RBFOX1: variants seen among roughly 807,000 people sequenced by gnomAD.
RBFOX1 encodes RNA binding protein fox-1 homolog 1.
Under a neutral mutation model 57.7 loss-of-function variants are expected in RBFOX1, and 8 were observed. The ratio of observed to expected loss-of-function variants is 0.14; its 90% CI spans 0.08 to 0.25. The LOEUF (loss-of-function observed/expected upper bound fraction) is 0.25, where lower values mean the gene tolerates loss of function less well. Ranked by LOEUF, RBFOX1 falls within the 10% of genes least tolerant of loss-of-function variation. RBFOX1 has a pLI of 1.00. For missense variants in RBFOX1, 611 were observed against 548.5 expected (o/e 1.11, Z -1.14); for synonymous variants, 326 against 222.4 (o/e 1.47, Z -4.15).
intron 3 of RBFOX1, among the ~76,000 whole-genome samples, chr16:5,859,367 C>G (rs1320376979): frequency 6.6e-6 from 1 of 152,208 alleles, no homozygotes; most frequent in East Asian, 1.9e-4. Context: ...CAATCTCCAA[C>G]TCTAAGCCAG....
At chr16:6,758,072 G>A (rs142345904) in intron 3 of RBFOX1, among the ~76,000 whole-genome samples, 40 of 152,236 alleles carry the variant, frequency 2.6e-4, no homozygotes, top group African/African-American at 9.6e-4. Flanking sequence ...ATACCAATAA[G>A]AAGGATCAGG....
rs1567446785 is a variant in RBFOX1 at position 6,097,057 on chromosome 16, G to T, written c.-127+77065G>T. On this transcript the variant is annotated intron_variant, in intron 1 of 15. Transcript: ENST00000550418. This position sits in a 1 kb window ranked among gnomAD's most constrained non-coding sequence, Gnocchi z 5.0. Reference sequence around the variant, plus strand: ...GGGAGATAACTGAATCATGGGGGTGGTTTCCCCCATACTGTTGTCATGGTG... The same window carrying T: ...GGGAGATAACTGAATCATGGGGGTGTTTTCCCCCATACTGTTGTCATGGTG... 6.6e-6 allele frequency among the ~76,000 whole-genome samples: 1 copy of T among 152,090 alleles called. No homozygotes were observed. Among genetic ancestry groups the T allele is most frequent in the Non-Finnish European group, 1.5e-5 (1 of 68,020 alleles).
At chr16:6,052,430 T>C (rs1402719280) in intron 1 of RBFOX1, among the ~76,000 whole-genome samples, 1 of 152,172 alleles carries the variant, frequency 6.6e-6, no homozygotes, top group Non-Finnish European at 1.5e-5. Context: ...TAACGCACAG[T>C]TTGCTTAGTC....
intron 1 of RBFOX1, among the ~76,000 whole-genome samples, chr16:5,394,586 G>C (rs374275030): frequency 9.9e-4 from 139 of 140,410 alleles, no homozygotes; most frequent in African/African-American, 3.7e-3. Context: ...TTTTTTGACA[G>C]GATCTTGCTC....
intron 3 of RBFOX1, among the ~76,000 whole-genome samples, chr16:5,738,805 G>A (rs746877916): frequency 1.3e-5 from 2 of 152,114 alleles, no homozygotes; most frequent in Non-Finnish European, 2.9e-5. Context: ...ATATCACAGT[G>A]GAATGCCAAA....
chr16:7,289,732 G>C (rs1422051272), intron 4 of RBFOX1, among the ~76,000 whole-genome samples: 1 of 152,132 alleles, frequency 6.6e-6, no homozygotes, highest in Non-Finnish European at 1.5e-5. Context: ...CTAAGGGGTT[G>C]CACCAAGAAA....
intron 2 of RBFOX1, among the ~76,000 whole-genome samples, chr16:6,368,670 G>A (rs1007795477): frequency 6.6e-6 from 1 of 152,168 alleles, no homozygotes; most frequent in African/African-American, 2.4e-5. Context: ...ATTGTCATAT[G>A]TCATAGGTTC....
intron 1 of RBFOX1, among the ~76,000 whole-genome samples, chr16:5,334,736 A>G (rs2064852058): frequency 6.6e-6 from 1 of 151,858 alleles, no homozygotes. Flanking sequence ...GGAATAATGT[A>G]CCATGGGCAA....
intron 1 of RBFOX1, among the ~76,000 whole-genome samples, chr16:5,259,682 A>G (rs2062683722): frequency 6.6e-6 from 1 of 152,222 alleles, no homozygotes; most frequent in Non-Finnish European, 1.5e-5. Flanking sequence ...TGTGTTTGTC[A>G]TGAGTTAATG....
intron 1 of RBFOX1, among the ~76,000 whole-genome samples, chr16:6,040,761 AT>A (rs1464937633): frequency 6.6e-6 from 1 of 151,770 alleles, no homozygotes; most frequent in South Asian, 2.1e-4. Flanking sequence ...TGCCTGGCAA[AT>A]TTTTTGTATT....
chr16:6,204,547 AG>A (rs1376423737), intron 1 of RBFOX1, among the ~76,000 whole-genome samples: 1 of 152,330 alleles, frequency 6.6e-6, no homozygotes, highest in Admixed American at 6.5e-5. Flanking sequence ...CTAATGTTCT[AG>A]GGAGGTTATT....
intron 4 of RBFOX1, among the ~76,000 whole-genome samples, chr16:7,509,424 G>A (rs79456229): frequency 6.9e-6 from 1 of 144,380 alleles, no homozygotes; most frequent in Non-Finnish European, 1.6e-5. Flanking sequence ...GTGTGTGTGT[G>A]TGTGTGTCTG....
At chr16:6,783,623 ATTAT>A (rs2081407502) in intron 3 of RBFOX1, among the ~76,000 whole-genome samples, 2 of 151,986 alleles carry the variant, frequency 1.3e-5, no homozygotes, top group African/African-American at 2.4e-5. Context: ...TGTAGTTATT[ATTAT>A]TTTTCATAGG....
At chr16:6,076,935 T>C (rs1347292492) in intron 1 of RBFOX1, among the ~76,000 whole-genome samples, 2 of 152,212 alleles carry the variant, frequency 1.3e-5, no homozygotes, top group African/African-American at 4.8e-5. Context: ...TGTTGCACAG[T>C]GCACTTAATA....
At chr16:5,692,681 A>T (rs963808812) in intron 3 of RBFOX1, among the ~76,000 whole-genome samples, 2 of 152,130 alleles carry the variant, frequency 1.3e-5, no homozygotes, top group African/African-American at 4.8e-5. Context: ...CTGGCTGGGG[A>T]GCTCAGTGCC....
intron 2 of RBFOX1, among the ~76,000 whole-genome samples, chr16:6,562,886 T>TC (rs1423136704): frequency 1.2e-3 from 167 of 140,702 alleles, no homozygotes; most frequent in Admixed American, 6.6e-3. Context: ...CTTTCTTTTT[T>TC]TTTTTTTTTT....
chr16:5,617,910 T>G lies in RBFOX1; in HGVS notation c.318+18949T>G, dbSNP rs980830681. Among the ~76,000 whole-genome samples, 3 of 152,220 alleles carry G rather than the reference T, an allele frequency of 2.0e-5. No homozygotes were observed. In the East Asian group the frequency reaches 5.8e-4, roughly 29 times the overall value. On this transcript the variant is annotated intron_variant, in intron 3 of 19. Transcript: ENST00000641259. ...TATGAAAGGTAACACTCTTACCTGG[T>G]ATCTACTAGGAGGGTATTGTTCAAG...
At position 6,080,768 on chromosome 16, in the gene RBFOX1, G is replaced by C. The variant is rs2095989037; in HGVS notation, c.-127+60776G>C. The stretch of plus-strand genomic sequence containing the variant: ...ACATTTTTAGGGAAAGTGTTGTTGA[G>C]GGTTCGAAACAGACTTTTGGTAACC... On this transcript the variant is annotated intron_variant, in intron 1 of 15. Transcript: ENST00000550418. Among the ~76,000 whole-genome samples the C allele has an allele frequency of 2.0e-5, 3 of 152,146 alleles. No individual in the cohort carries two copies. The South Asian group carries it at 6.2e-4, about 32-fold the overall frequency.
At position 7,128,797 on chromosome 16, in the gene RBFOX1, G is replaced by A. The variant is rs57029554; in HGVS notation, c.27+76699G>A. Among the ~76,000 whole-genome samples the A allele has an allele frequency of 8.6e-3, 1,283 of 149,186 alleles. 33 individuals carry two copies. Among genetic ancestry groups the A allele is most frequent in the African/African-American group, 0.029 (1,184 of 40,438 alleles). ...ATTTTGGTAATCTGTCTGACATAATGGTAACTTTTTTTTCTTTTTACTTTT... is the reference window on the plus strand; with the variant it reads ...ATTTTGGTAATCTGTCTGACATAATAGTAACTTTTTTTTCTTTTTACTTTT... On this transcript the variant is annotated intron_variant, in intron 4 of 15. Coordinates refer to ENST00000550418, the MANE Select transcript of RBFOX1 (RefSeq NM_018723.4).
Sources: allele counts gnomAD v4.1 joint callset (sites outside exome capture counted in the v4.1 genomes callset), GRCh38; gene constraint gnomAD v4.1.1; non-coding constraint Gnocchi (gnomAD v3.1); transcripts MANE v1.5; gene names NCBI Gene and HGNC (gene_info 2026-07-23, HGNC 2026-07-21).